Variants in GPRIN3 observed in about 807,000 individuals in gnomAD.
GPRIN3 encodes the protein G protein-regulated inducer of neurite outgrowth 3.
GPRIN3 carries 12 observed loss-of-function variants against 13.7 expected under a neutral mutation model. The ratio of observed to expected loss-of-function variants is 0.87; its 90% CI spans 0.56 to 1.42. The LOEUF (loss-of-function observed/expected upper bound fraction) is 1.42, where lower values mean the gene tolerates loss of function less well. Ranked by LOEUF, GPRIN3 falls within the 40% of genes most tolerant of loss-of-function variation. GPRIN3 has a pLI of 0.00. For missense variants in GPRIN3, 1,009 were observed against 958.7 expected (o/e 1.05, Z -0.69); for synonymous variants, 377 against 372.7 (o/e 1.01, Z -0.13).
At chr4:89,262,415 T>C (rs746141749) in intron 1 of GPRIN3, among the ~76,000 whole-genome samples, 7 of 152,126 alleles carry the variant, frequency 4.6e-5, no homozygotes, top group Non-Finnish European at 1.0e-4. Flanking sequence ...TTTTGTATTT[T>C]TGGAATTTTA....
intron 1 of GPRIN3, among the ~76,000 whole-genome samples, chr4:89,288,382 G>T (rs1236800187): frequency 6.6e-6 from 1 of 152,142 alleles, no homozygotes; most frequent in African/African-American, 2.4e-5. Context: ...TGTTGAAAGG[G>T]TATATATTAA....
chr4:89,254,102 T>C (rs1723402813), intron 1 of GPRIN3, among the ~76,000 whole-genome samples: 1 of 137,306 alleles, frequency 7.3e-6, no homozygotes, highest in Non-Finnish European at 1.6e-5. Flanking sequence ...AATGAGTCCC[T>C]TCTACAGAAG....
intron 1 of GPRIN3, among the ~76,000 whole-genome samples, chr4:89,260,581 A>G (rs915398567): frequency 6.6e-6 from 1 of 152,226 alleles, no homozygotes; most frequent in African/African-American, 2.4e-5. Context: ...ATAAGAAGCT[A>G]TAAGTGAGCA....
intron 1 of GPRIN3, among the ~76,000 whole-genome samples, chr4:89,265,978 C>G (rs1327135174): frequency 2.6e-5 from 4 of 152,148 alleles, no homozygotes; most frequent in African/African-American, 4.8e-5. Context: ...GTACCATACT[C>G]AGGTAAATTA....
At chr4:89,258,020 T>A (rs1000118380) in intron 1 of GPRIN3, among the ~76,000 whole-genome samples, 4 of 151,730 alleles carry the variant, frequency 2.6e-5, no homozygotes, top group Admixed American at 1.3e-4. Flanking sequence ...TTACGCTCAG[T>A]GTTTTAGGGG....
rs1386586971 is a variant in GPRIN3, at chr4:89,247,241, T to C, written c.*539A>G. ...ATTTAACTGTTTTTATTTAATGTTA[T>C]CTGGCCTAGGAATGAATCAAATATG... On this transcript the variant is annotated 3_prime_UTR_variant, in exon 2 of 2. Transcript: ENST00000609438. 6.6e-6 allele frequency: 1 copy of C among 152,320 alleles called. No homozygotes were observed. Among genetic ancestry groups the C allele is most frequent in the Non-Finnish European group, 1.5e-5 (1 of 68,094 alleles). 9.4% of individuals were successfully genotyped at this position (152,320 alleles called of 1,614,324 possible). A position where few individuals can be genotyped will look rare whatever the true frequency, so the allele number is the denominator to read the frequency against.
At chr4:89,288,888 A>G (rs1410707500) in intron 1 of GPRIN3, among the ~76,000 whole-genome samples, 1 of 152,134 alleles carries the variant, frequency 6.6e-6, no homozygotes, top group African/African-American at 2.4e-5. Context: ...CTCCACAACA[A>G]GCCCACAGGC....
At chr4:89,264,112 C>T (rs1294653707) in intron 1 of GPRIN3, among the ~76,000 whole-genome samples, 1 of 152,074 alleles carries the variant, frequency 6.6e-6, no homozygotes, top group Non-Finnish European at 1.5e-5. Context: ...TTCCAAAACT[C>T]GTGTTGAAAT....
In GPRIN3 at chr4:89,244,802, G is replaced by A. The variant is rs1002692213; in HGVS notation, c.*2978C>T. 6.6e-6 allele frequency: 1 copy of A among 152,020 alleles called. No homozygotes were observed. Among genetic ancestry groups the A allele is most frequent in the Non-Finnish European group, 1.5e-5 (1 of 67,986 alleles). 9.4% of individuals were successfully genotyped at this position (152,020 alleles called of 1,614,324 possible). A position where few individuals can be genotyped will look rare whatever the true frequency, so the allele number is the denominator to read the frequency against. On this transcript the variant is annotated 3_prime_UTR_variant, in exon 2 of 2. Transcript: ENST00000609438. The stretch of plus-strand genomic sequence containing the variant: ...AGTTCTAACTCACCTTTTTACTACT[G>A]GTTTAAGGAATATTTTCTATTTCTT...
rs956271542 is a variant in GPRIN3 at position 89,298,778 on chromosome 4, T to G, written c.-124+8837A>C. ...TCTGCCAACTCCATTTCACATTCTA[T>G]CTCTCACCTCCTAAATAAATTCCTA... On this transcript the variant is annotated intron_variant, in intron 1 of 1. Transcript: ENST00000609438. Among the ~76,000 whole-genome samples, 10 of 152,184 alleles carry G rather than the reference T, an allele frequency of 6.6e-5. 1 individual carries two copies. The South Asian group carries it at 2.1e-3, about 32-fold the overall frequency.
chr4:89,269,468 C>T (rs570285037), intron 1 of GPRIN3, among the ~76,000 whole-genome samples: 109 of 152,264 alleles, frequency 7.2e-4, no homozygotes, highest in African/African-American at 2.5e-3. Context: ...TTTCTCCTAC[C>T]TCCTCCAAAA....
At position 89,298,647 on chromosome 4, in the gene GPRIN3, G is replaced by A. The variant is rs543016844; in HGVS notation, c.-124+8968C>T. Among the ~76,000 whole-genome samples, 34 of 151,372 alleles carry A rather than the reference G, an allele frequency of 2.2e-4. No individual in the cohort carries two copies. In the South Asian group the frequency reaches 7.1e-3, roughly 32 times the overall value. On this transcript the variant is annotated intron_variant, in intron 1 of 1. Coordinates refer to ENST00000609438, the MANE Select transcript of GPRIN3 (RefSeq NM_198281.3). ...TTTGAGTCCCTAGCACACAAAACAG[G>A]GTTTTACATACATACATATATATAT... is the stretch of plus-strand genomic sequence containing the variant.
chr4:89,248,903 G>T lies in GPRIN3; in HGVS notation c.1208C>A (p.Ala403Asp). The T allele has an allele frequency of 6.2e-7, 1 of 1,614,192 alleles. No homozygotes were observed. Among genetic ancestry groups the T allele is most frequent in the Non-Finnish European group, 8.5e-7 (1 of 1,180,030 alleles). Residue 403 changes from alanine to aspartate, a missense_variant, in exon 2 of 2, where the codon GCT becomes GAT. Transcript: ENST00000609438. ...HIQAAAAEST[A>D]FQRENKLASL... is the part of the protein sequence containing the mutation. ...CGCAAGTTTATTTTCCCGTTGGAAA[G>T]CTGTAGACTCAGCTGCAGCTGCCTG...
rs1470155192 is a variant in GPRIN3 at position 89,247,357 on chromosome 4, A to G, written c.*423T>C. 6.4e-6 allele frequency: 1 copy of G among 155,706 alleles called. No individual in the cohort carries two copies. Among genetic ancestry groups the G allele is most frequent in the African/African-American group, 2.4e-5 (1 of 41,524 alleles). 9.6% of individuals were successfully genotyped at this position (155,706 alleles called of 1,614,324 possible). On this transcript the variant is annotated 3_prime_UTR_variant, in exon 2 of 2. Transcript: ENST00000609438. ...TGCAATAAGACTAGAAATTATAACA[A>G]TGTTTTCGCCAATAGTGTTTTTGCT...
chr4:89,239,160 A>C lies in GPRIN3; in HGVS notation c.*8620T>G, dbSNP rs994233014. ...ATTATAATGTAGACATTATAAAAAAACATAACTTTGGATTTTAATATTAAT... is the reference window on the plus strand; with the variant it reads ...ATTATAATGTAGACATTATAAAAAACCATAACTTTGGATTTTAATATTAAT... On this transcript the variant is annotated 3_prime_UTR_variant, in exon 2 of 2. Transcript: ENST00000609438. The C allele has an allele frequency of 6.6e-6, 1 of 152,148 alleles. No individual in the cohort carries two copies. Among genetic ancestry groups the C allele is most frequent in the Non-Finnish European group, 1.5e-5 (1 of 67,994 alleles). The allele number at this position is 152,148 out of a possible 1,614,324, so 9.4% of individuals were successfully genotyped here.
Position 89,236,988 on chromosome 4 carries a change from A to G in GPRIN3, c.*10792T>C, listed in dbSNP as rs911567806. The G allele has an allele frequency of 1.6e-4, 25 of 152,290 alleles. No homozygotes were observed. The highest frequency in any genetic ancestry group is 5.1e-4 in the African/African-American group (21 of 41,562). The allele number at this position is 152,290 out of a possible 1,614,324, so 9.4% of individuals were successfully genotyped here. On this transcript the variant is annotated 3_prime_UTR_variant, in exon 2 of 2. Coordinates refer to ENST00000609438, the MANE Select transcript of GPRIN3 (RefSeq NM_198281.3). Reference sequence around the variant, plus strand: ...AAGAAGTCTTATCTTGCTTTTAAACACCTATAATAATCTTTGGCAATGACA... The same window carrying G: ...AAGAAGTCTTATCTTGCTTTTAAACGCCTATAATAATCTTTGGCAATGACA...
chr4:89,272,570 G>A (rs1212627154), intron 1 of GPRIN3, among the ~76,000 whole-genome samples: 2 of 151,982 alleles, frequency 1.3e-5, no homozygotes, highest in Non-Finnish European at 2.9e-5. Context: ...CTTTTCTGAC[G>A]GTATGTTTCT....
rs147008255 is a variant in GPRIN3 at position 89,245,435 on chromosome 4, A to G, written c.*2345T>C. On this transcript the variant is annotated 3_prime_UTR_variant, in exon 2 of 2. Coordinates refer to ENST00000609438, the MANE Select transcript of GPRIN3 (RefSeq NM_198281.3). The stretch of plus-strand genomic sequence containing the variant: ...AATTTTAATGTATTTAATGTGAGAC[A>G]AATGCCAACAACTCTCTCAGGCCTC... 143 of 152,386 alleles carry G rather than the reference A, an allele frequency of 9.4e-4. No individual in the cohort carries two copies. The highest frequency in any genetic ancestry group is 3.2e-3 in the African/African-American group (132 of 41,590). 9.4% of individuals were successfully genotyped at this position (152,386 alleles called of 1,614,324 possible). A position where few individuals can be genotyped will look rare whatever the true frequency, so the allele number is the denominator to read the frequency against.
Position 89,248,236 on chromosome 4 carries a change from A to C in GPRIN3, c.1875T>G (p.Ser625=), listed in dbSNP as rs369891346. 3 of 1,614,130 alleles carry C rather than the reference A, an allele frequency of 1.9e-6. No individual in the cohort carries two copies. In the Admixed American group the frequency reaches 5.0e-5, roughly 27 times the overall value. ...TGCGTGGGCTGGCTTTGACGGAGCGAGATGGGGTCTTCTTGCCAGAACCTG... is the reference window on the plus strand; with the variant it reads ...TGCGTGGGCTGGCTTTGACGGAGCGCGATGGGGTCTTCTTGCCAGAACCTG... The part of the protein sequence containing the change: ...SSPGSGKKTP[S]RSVKASPRRP... The change falls in exon 2 of 2, where the codon TCT becomes TCG. Residue 625 remains serine (S), a synonymous_variant. Transcript: ENST00000609438.
Sources: gnomAD v4.1 joint callset for allele counts (sites outside exome capture counted in the v4.1 genomes callset) on GRCh38, gnomAD v4.1.1 for gene constraint, MANE v1.5 for transcripts, NCBI Gene and HGNC (gene_info 2026-07-23, HGNC 2026-07-21) for gene names.